S100B: variants seen among roughly 807,000 people sequenced by gnomAD.
S100B encodes the protein protein S100-B.
S100B carries 6 observed loss-of-function variants against 7.7 expected under a neutral mutation model. The observed-to-expected ratio is 0.78, with a 90% CI of 0.43 to 1.54. The LOEUF (loss-of-function observed/expected upper bound fraction) is 1.54, where lower values mean the gene tolerates loss of function less well. Among genes scored for constraint, S100B ranks in the 40% most tolerant of loss-of-function variants. S100B has a pLI of 0.01. For synonymous variants in S100B, 36 were observed against 40.4 expected, an observed-to-expected ratio of 0.89 and a Z score of 0.41; for missense variants, 99 against 111.8, an observed-to-expected ratio of 0.89 and a Z score of 0.52.
At chr21:46,599,525 G>A (rs751358947) in intron 2 of S100B, 22 bp from the exon 3 acceptor site, 3 of 1,612,586 alleles carry the variant, frequency 1.9e-6, no homozygotes, top group Non-Finnish European at 2.5e-6. Context: ...AAAAGGAGTT[G>A]CCGACCTTGT....
chr21:46,602,547 C>T, intron 1 of S100B, 131 bp from the exon 2 acceptor site: 5 of 917,450 alleles, frequency 5.4e-6, no homozygotes, highest in Non-Finnish European at 6.4e-6. Context: ...AAGCTCAGAG[C>T]AGCAGGCATG....
At chr21:46,600,328 G>A (rs933324035) in intron 2 of S100B, 24 of 430,428 alleles carry the variant, frequency 5.6e-5, no homozygotes, top group African/African-American at 4.3e-4. Flanking sequence ...GATAACTTGA[G>A]CACAGGAAGT....
chr21:46,603,392 A>AGGGGGTGGGGGG (rs796474856), intron 1 of S100B, among the ~76,000 whole-genome samples: 1 of 38,206 alleles, frequency 2.6e-5, no homozygotes, highest in East Asian at 1.1e-3. Context: ...GGACGGCGGG[A>AGGGGGTGGGGGG]GGGGGTGGGG....
Position 46,599,488 on chromosome 21 carries a change from C to A in S100B, c.154G>T (p.Glu52Ter). The change falls in exon 3 of 3, where the codon GAG becomes TAG. Residue 52 changes from glutamate (E) to a stop codon, truncating the protein, a stop_gained. Transcript: ENST00000291700. LOFTEE classifies it high-confidence loss of function. ...GTTTCCATGACTTTGTCCACAACCTCCTGCTCTTTGATTTCCTAAGAGAGA... is the reference window on the plus strand; with the variant it reads ...GTTTCCATGACTTTGTCCACAACCTACTGCTCTTTGATTTCCTAAGAGAGA... ...SHFLEEIKEQEVVDKVMETLD... is the reference protein window; with the variant it reads ...SHFLEEIKEQ 1.9e-6 allele frequency: 3 copies of A among 1,614,150 alleles called. No homozygotes were observed. Among genetic ancestry groups the A allele is most frequent in the Non-Finnish European group, 2.5e-6 (3 of 1,180,000 alleles).
chr21:46,604,287 T>C (rs1454568186), intron 1 of S100B, among the ~76,000 whole-genome samples: 2 of 152,242 alleles, frequency 1.3e-5, no homozygotes, highest in Non-Finnish European at 2.9e-5. Context: ...CTTTCTCACA[T>C]TCTTTGAATG....
chr21:46,602,615 T>C (rs2061044808), intron 1 of S100B, 199 bp from the exon 2 acceptor site: 5 of 521,054 alleles, frequency 9.6e-6, no homozygotes, highest in Non-Finnish European at 1.7e-5. Context: ...ACCGGCCTCT[T>C]AGACAGCTGT....
rs2088776220 is a variant in S100B, at chr21:46,599,182, C to T, written c.*181G>A. ...GCCTAATATAGCAGAAAGAATGATG[C>T]AGGCCGTTAAAACAGCCTTTGGAAA... On this transcript the variant is annotated 3_prime_UTR_variant, in exon 3 of 3. Transcript: ENST00000291700. The T allele has an allele frequency of 3.2e-6, 2 of 618,716 alleles. No individual in the cohort carries two copies. The highest frequency in any genetic ancestry group is 5.7e-6 in the Non-Finnish European group (2 of 353,530). The allele number at this position is 618,716 out of a possible 1,614,324, so 38.3% of individuals were successfully genotyped here. A position where few individuals can be genotyped will look rare whatever the true frequency, so the allele number is the denominator to read the frequency against.
intron 1 of S100B, among the ~76,000 whole-genome samples, chr21:46,604,186 T>C (rs1007025044): frequency 2.6e-5 from 4 of 152,242 alleles, no homozygotes; most frequent in Non-Finnish European, 5.9e-5. Flanking sequence ...ACAAATCAAT[T>C]AAATTCTTGT....
chr21:46,603,392 A>AGGGGGCGGGGGGAGGGGGGGGCGGGGGG (rs1555923741), intron 1 of S100B, among the ~76,000 whole-genome samples: 2 of 38,206 alleles, frequency 5.2e-5, no homozygotes, highest in African/African-American at 2.1e-4. Flanking sequence ...GGACGGCGGG[A>AGGGGGCGGGGGGAGGGGGGGGCGGGGGG]GGGGGTGGGG....
rs766536366 is a variant in S100B at position 46,599,357 on chromosome 21, C to T, written c.*6G>A. On this transcript the variant is annotated 3_prime_UTR_variant, in exon 3 of 3. Coordinates refer to ENST00000291700, the MANE Select transcript of S100B (RefSeq NM_006272.3). ...GTTACAGGAAAGGTTTGGCTGCTTTCTAATCTCACTCATGTTCAAAGAACT... is the reference window on the plus strand; with the variant it reads ...GTTACAGGAAAGGTTTGGCTGCTTTTTAATCTCACTCATGTTCAAAGAACT... 4 of 1,613,128 alleles carry T rather than the reference C, an allele frequency of 2.5e-6. No homozygotes were observed. The Admixed American group carries it at 6.7e-5, about 27-fold the overall frequency.
chr21:46,599,898 C>T (rs2239574), intron 2 of S100B, among the ~76,000 whole-genome samples: 41,404 of 152,154 alleles, frequency 0.27, 6,272 homozygotes, highest in Middle Eastern at 0.35. Context: ...TCAAAGGCTT[C>T]CAGTGGAATT....
At chr21:46,602,149 C>T in intron 2 of S100B, 129 bp downstream of exon 2, 1 of 846,120 alleles carries the variant, frequency 1.2e-6, no homozygotes, top group Non-Finnish European at 1.8e-6. Context: ...AACAAGTTTG[C>T]AGAAGCAGCC....
Position 46,599,336 on chromosome 21 carries a change from C to A in S100B, c.*27G>T, listed in dbSNP as rs1271582901. ...CTTTCTTGCATGACCGTCTCTGTTA[C>A]AGGAAAGGTTTGGCTGCTTTCTAAT... On this transcript the variant is annotated 3_prime_UTR_variant, in exon 3 of 3. Coordinates refer to ENST00000291700, the MANE Select transcript of S100B (RefSeq NM_006272.3). 3 of 1,608,740 alleles carry A rather than the reference C, an allele frequency of 1.9e-6. No homozygotes were observed. The highest frequency in any genetic ancestry group is 4.5e-5 in the East Asian group (2 of 44,858).
intron 1 of S100B, 130 bp from the exon 2 acceptor site, chr21:46,602,546 G>A (rs1018606379): frequency 1.1e-6 from 1 of 930,612 alleles, no homozygotes; most frequent in South Asian, 1.8e-5. Flanking sequence ...CAAGCTCAGA[G>A]CAGCAGGCAT....
chr21:46,599,631 T>G, intron 2 of S100B, 128 bp from the exon 3 acceptor site: 2 of 866,226 alleles, frequency 2.3e-6, no homozygotes, highest in Non-Finnish European at 3.8e-6. Context: ...AAATGCAAAA[T>G]ATCAGAAAAG....
intron 1 of S100B, among the ~76,000 whole-genome samples, chr21:46,603,551 GTT>G (rs1438191112): frequency 1.3e-5 from 2 of 152,184 alleles, no homozygotes; most frequent in African/African-American, 4.8e-5. Context: ...CTTGTCAGTT[GTT>G]TCACAAAACA....
chr21:46,602,522 C>G (rs2061044393), intron 1 of S100B, 106 bp from the exon 2 acceptor site: 2 of 1,174,128 alleles, frequency 1.7e-6, no homozygotes, highest in Non-Finnish European at 2.4e-6. Context: ...ATGGAATGGC[C>G]TTGGCACTCT....
At chr21:46,603,885 G>A (rs1175323322) in intron 1 of S100B, among the ~76,000 whole-genome samples, 1 of 152,072 alleles carries the variant, frequency 6.6e-6, no homozygotes, top group African/African-American at 2.4e-5. Flanking sequence ...AATTAAGATG[G>A]ATTAAAATCT....
intron 2 of S100B, 123 bp downstream of exon 2, chr21:46,602,155 C>T (rs2061042924): frequency 4.5e-6 from 4 of 891,324 alleles, no homozygotes; most frequent in Non-Finnish European, 6.8e-6. Flanking sequence ...TTTGCAGAAG[C>T]AGCCCAGGAG....
Sources: allele counts gnomAD v4.1 joint callset (sites outside exome capture counted in the v4.1 genomes callset), GRCh38; gene constraint gnomAD v4.1.1; transcripts MANE v1.5; gene names NCBI Gene and HGNC (gene_info 2026-07-23, HGNC 2026-07-21).